CPEB3: variants seen among roughly 807,000 people sequenced by gnomAD.
The protein encoded by CPEB3 is cytoplasmic polyadenylation element binding protein 3.
CPEB3 carries 20 observed loss-of-function variants against 67.2 expected under a neutral mutation model. The observed-to-expected ratio is 0.30, with a 90% confidence interval of 0.21 to 0.43. CPEB3 has a LOEUF of 0.43. CPEB3 is among the 20% of genes least tolerant of loss of function. CPEB3 has a pLI of 1.00. For missense variants in CPEB3, 746 were observed against 968.6 expected (o/e 0.77, Z 3.05); for synonymous variants, 376 against 393.1 (o/e 0.96, Z 0.51).
chr10:92,267,523 C>A (rs1853113203), intron 1 of CPEB3, among the ~76,000 whole-genome samples: 1 of 152,136 alleles, frequency 6.6e-6, no homozygotes, highest in Non-Finnish European at 1.5e-5. Context: ...TGATGGGAAT[C>A]CCCTGGAGAG....
intron 9 of CPEB3, among the ~76,000 whole-genome samples, chr10:92,075,763 A>T (rs1197490524): frequency 6.6e-6 from 1 of 152,236 alleles, no homozygotes; most frequent in Non-Finnish European, 1.5e-5. Flanking sequence ...GAAGAAATCA[A>T]ATCTATAAAG....
At chr10:92,173,695 T>C (rs937973675) in intron 4 of CPEB3, among the ~76,000 whole-genome samples, 3 of 152,192 alleles carry the variant, frequency 2.0e-5, no homozygotes, top group Admixed American at 6.5e-5. Flanking sequence ...TTACAGCCTT[T>C]TGAATCTCAG....
chr10:92,266,665 A>T (rs1344070604), intron 1 of CPEB3, among the ~76,000 whole-genome samples: 1 of 152,176 alleles, frequency 6.6e-6, no homozygotes, highest in Non-Finnish European at 1.5e-5. Context: ...AAATTAAAAA[A>T]AAATCAGATG....
intron 1 of CPEB3, among the ~76,000 whole-genome samples, chr10:92,271,500 A>G (rs958181404): frequency 1.3e-5 from 2 of 152,156 alleles, no homozygotes; most frequent in African/African-American, 4.8e-5. Flanking sequence ...TGACCTTGAC[A>G]CTTTTGAAGA....
At chr10:92,111,220 T>A in intron 6 of CPEB3, 26 bp from the exon 7 acceptor site, 1 of 1,414,910 alleles carries the variant, frequency 7.1e-7, no homozygotes, top group Non-Finnish European at 1.0e-6. Flanking sequence ...AACAAAAGGG[T>A]AGAGGAAGAA....
At chr10:92,125,282 T>C (rs1845560360) in intron 6 of CPEB3, among the ~76,000 whole-genome samples, 1 of 152,212 alleles carries the variant, frequency 6.6e-6, no homozygotes, top group Admixed American at 6.5e-5. Context: ...GCTGCCCAAG[T>C]AAGCTGAGAA....
At chr10:92,270,050 T>A (rs1471155362) in intron 1 of CPEB3, among the ~76,000 whole-genome samples, 1 of 151,736 alleles carries the variant, frequency 6.6e-6, no homozygotes, top group African/African-American at 2.4e-5. Flanking sequence ...GGGGGGAAGG[T>A]AAGAGGATGC....
At chr10:92,104,649 A>G (rs1223740948) in intron 7 of CPEB3, among the ~76,000 whole-genome samples, 2 of 151,904 alleles carry the variant, frequency 1.3e-5, no homozygotes, top group African/African-American at 4.8e-5. Context: ...GGCTCCCAAA[A>G]TGCTGGGATT....
chr10:92,092,332 T>C (rs1843655284), intron 7 of CPEB3, among the ~76,000 whole-genome samples: 2 of 152,220 alleles, frequency 1.3e-5, no homozygotes, highest in African/African-American at 4.8e-5. Context: ...TCATCTAAAG[T>C]ACATCAGGAG....
At chr10:92,269,296 T>C (rs1313606002) in intron 1 of CPEB3, among the ~76,000 whole-genome samples, 2 of 152,118 alleles carry the variant, frequency 1.3e-5, no homozygotes, top group African/African-American at 4.8e-5. Context: ...TGTTTTACCA[T>C]GGGCAAATAG....
At chr10:92,247,872 G>A (rs1277204744) in intron 1 of CPEB3, among the ~76,000 whole-genome samples, 1 of 151,924 alleles carries the variant, frequency 6.6e-6, no homozygotes, top group Non-Finnish European at 1.5e-5. Context: ...TTAAACCACT[G>A]CCCCCCATCC....
intron 2 of CPEB3, among the ~76,000 whole-genome samples, chr10:92,230,810 C>G (rs554370820): frequency 1.3e-5 from 2 of 152,288 alleles, no homozygotes; most frequent in South Asian, 4.1e-4. Context: ...GTACAGCAAC[C>G]TTCCCAGGAA....
chr10:92,128,418 G>A (rs1447992490), intron 6 of CPEB3, among the ~76,000 whole-genome samples: 2 of 152,204 alleles, frequency 1.3e-5, no homozygotes, highest in African/African-American at 2.4e-5. Flanking sequence ...GATTGGATAA[G>A]CTTGGCCTAG....
At chr10:92,209,819 C>T (rs943082691) in intron 2 of CPEB3, among the ~76,000 whole-genome samples, 4 of 151,790 alleles carry the variant, frequency 2.6e-5, no homozygotes, top group African/African-American at 7.3e-5. Flanking sequence ...CGCCTGTAAT[C>T]CCAGCTACTC....
At chr10:92,107,993 T>C (rs553330942) in intron 7 of CPEB3, among the ~76,000 whole-genome samples, 2 of 152,252 alleles carry the variant, frequency 1.3e-5, no homozygotes, top group East Asian at 3.9e-4. Context: ...CTGGACAAGA[T>C]GGGTGAAAGG....
At chr10:92,238,872 G>T (rs1851669132) in intron 2 of CPEB3, among the ~76,000 whole-genome samples, 1 of 152,142 alleles carries the variant, frequency 6.6e-6, no homozygotes, top group Admixed American at 6.5e-5. Context: ...ACCACTCAAG[G>T]GTTGTTAACC....
chr10:92,116,666 C>A (rs964610810), intron 6 of CPEB3, among the ~76,000 whole-genome samples: 1 of 152,128 alleles, frequency 6.6e-6, no homozygotes, highest in Non-Finnish European at 1.5e-5. Context: ...GAAATGGTAA[C>A]CTGAGGAGTA....
chr10:92,126,191 G>A (rs1456737408), intron 6 of CPEB3, among the ~76,000 whole-genome samples: 1 of 152,164 alleles, frequency 6.6e-6, no homozygotes, highest in African/African-American at 2.4e-5. Context: ...AATGGTGGGA[G>A]ATTACAATGG....
intron 2 of CPEB3, among the ~76,000 whole-genome samples, chr10:92,200,459 T>G (rs894458808): frequency 1.2e-4 from 18 of 148,148 alleles, no homozygotes; most frequent in African/African-American, 4.5e-4. Context: ...GCAGGAGAAT[T>G]GCTTAAACCC....
Sources: allele counts gnomAD v4.1 joint callset (sites outside exome capture counted in the v4.1 genomes callset), GRCh38; gene constraint gnomAD v4.1.1; transcripts MANE v1.5; gene names NCBI Gene and HGNC (gene_info 2026-07-23, HGNC 2026-07-21).